The following TCERG1 variants were observed in gnomAD, a reference collection of about 807,000 sequenced individuals.
TCERG1 encodes TATA box binding protein (TBP)-associated factor, RNA polymerase II, S, 150kD.
A neutral mutation model predicts 144.7 loss-of-function variants in TCERG1; 37 were observed. The observed-to-expected ratio is 0.26, with a 90% CI of 0.20 to 0.34. TCERG1 has a LOEUF of 0.34. Ranked by LOEUF, TCERG1 falls within the 10% of genes least tolerant of loss-of-function variation. The pLI is 1.00. For synonymous variants in TCERG1, 492 were observed against 458.2 expected, an observed-to-expected ratio of 1.07 and a Z score of -0.94; for missense variants, 1,027 against 1,380.7, an observed-to-expected ratio of 0.74 and a Z score of 4.06.
intron 4 of TCERG1, among the ~76,000 whole-genome samples, chr5:146,462,445 CAT>C (rs1420204441): frequency 1.9e-4 from 29 of 152,172 alleles, no homozygotes; most frequent in African/African-American, 4.1e-4. Context: ...TGTTTTGTAA[CAT>C]GTGAGAATTG....
At chr5:146,483,156 C>T (rs952971902) in intron 14 of TCERG1, among the ~76,000 whole-genome samples, 1 of 152,082 alleles carries the variant, frequency 6.6e-6, no homozygotes, top group African/African-American at 2.4e-5. Context: ...TGGTTATATT[C>T]ACAGATTCAT....
At chr5:146,491,142 T>C (rs1766373575) in intron 15 of TCERG1, among the ~76,000 whole-genome samples, 1 of 151,942 alleles carries the variant, frequency 6.6e-6, no homozygotes, top group South Asian at 2.1e-4. Context: ...AAAATGCTGT[T>C]TGGGTACTCT....
intron 17 of TCERG1, 120 bp from the exon 18 acceptor site, chr5:146,503,255 T>C: frequency 1.2e-6 from 1 of 865,106 alleles, no homozygotes; most frequent in East Asian, 2.7e-5. Flanking sequence ...ATTTTAAAAG[T>C]TATTATTCTC....
chr5:146,468,260 G>T, intron 5 of TCERG1, 81 bp from the exon 6 acceptor site: 1 of 1,092,964 alleles, frequency 9.1e-7, no homozygotes, highest in South Asian at 1.9e-5. Flanking sequence ...AATTGTAGTG[G>T]TAAATTATTT....
intron 1 of TCERG1, among the ~76,000 whole-genome samples, chr5:146,450,030 G>A (rs1307244108): frequency 6.6e-6 from 1 of 152,048 alleles, no homozygotes; most frequent in Non-Finnish European, 1.5e-5. Context: ...GAGTTAATAC[G>A]GATAATGTCT....
At chr5:146,504,842 T>C (rs1767799227) in intron 19 of TCERG1, among the ~76,000 whole-genome samples, 1 of 151,348 alleles carries the variant, frequency 6.6e-6, no homozygotes, top group Non-Finnish European at 1.5e-5. Flanking sequence ...GGGTCAGGAG[T>C]TCAAGACTAG....
At chr5:146,472,352 A>G (rs1456640626) in intron 9 of TCERG1, among the ~76,000 whole-genome samples, 1 of 151,480 alleles carries the variant, frequency 6.6e-6, no homozygotes, top group Admixed American at 6.6e-5. Flanking sequence ...CATTTTTTCA[A>G]CAGCATGTGC....
intron 17 of TCERG1, among the ~76,000 whole-genome samples, chr5:146,501,748 A>T (rs992523676): frequency 1.3e-5 from 2 of 152,156 alleles, no homozygotes; most frequent in African/African-American, 4.8e-5. Flanking sequence ...AGTATTTCTT[A>T]TTAGTTCAAA....
intron 5 of TCERG1, 42 bp downstream of exon 5, chr5:146,463,835 A>T (rs749448589): frequency 9.3e-6 from 15 of 1,611,442 alleles, no homozygotes; most frequent in Non-Finnish European, 1.0e-5. Flanking sequence ...CTATGTTTTC[A>T]TATTGTCAGT....
At chr5:146,472,429 A>G (rs1764399347) in intron 9 of TCERG1, among the ~76,000 whole-genome samples, 1 of 151,824 alleles carries the variant, frequency 6.6e-6, no homozygotes, top group Non-Finnish European at 1.5e-5. Flanking sequence ...CATTATTTTT[A>G]TATCTGTTAC....
Position 146,503,405 on chromosome 5 carries a change from A to C in TCERG1, c.2464A>C (p.Asn822His), listed in dbSNP as rs755292554. The part of the protein sequence containing the change: ...IKSDFFELLS[N>H]HHLDSQSRWS... ...ATCGGATTTCTTTGAACTATTATCT[A>C]ATCATCACTTGGACAGTCAGTCTCG... Residue 822 changes from asparagine (N) to histidine (H), a missense_variant, in exon 18 of 23, where the codon AAT becomes CAT. By Grantham distance (68) the Asn-to-His change is moderately conservative. This residue lies in a region of TCERG1 where 482 missense variants were observed against 632.6 expected (regional missense o/e 0.76). Coordinates refer to ENST00000679501, the MANE Select transcript of TCERG1 (RefSeq NM_001382548.1). 5 of 1,613,608 alleles carry C rather than the reference A, an allele frequency of 3.1e-6. No individual in the cohort carries two copies. The East Asian group carries it at 6.7e-5, about 22-fold the overall frequency.
chr5:146,480,995 A>G (rs1383592968), intron 12 of TCERG1, among the ~76,000 whole-genome samples, 155 bp from the exon 13 acceptor site: 1 of 151,146 alleles, frequency 6.6e-6, no homozygotes, highest in Non-Finnish European at 1.5e-5. Context: ...AAAACCTAGA[A>G]TAAGACATTT....
chr5:146,453,558 G>A (rs1011778039), intron 1 of TCERG1, among the ~76,000 whole-genome samples: 3 of 152,106 alleles, frequency 2.0e-5, no homozygotes, highest in African/African-American at 7.2e-5. Flanking sequence ...AATCTGTTGT[G>A]CATATTCCAG....
chr5:146,503,729 A>G, intron 18 of TCERG1, 95 bp from the exon 19 acceptor site: 15 of 1,458,452 alleles, frequency 1.0e-5, no homozygotes, highest in Non-Finnish European at 1.4e-5. Context: ...GGCAAAAACT[A>G]GATTTGGAAT....
intron 8 of TCERG1, 116 bp from the exon 9 acceptor site, chr5:146,471,372 T>C (rs1764280549): frequency 1.1e-6 from 1 of 884,396 alleles, no homozygotes. Context: ...AGTCTCCTCT[T>C]ATTCTAGCAG....
At chr5:146,506,159 AT>A (rs1203102551) in intron 19 of TCERG1, among the ~76,000 whole-genome samples, 1 of 152,222 alleles carries the variant, frequency 6.6e-6, no homozygotes, top group East Asian at 1.9e-4. Context: ...CACGGTATAT[AT>A]CTGACTTGTA....
In TCERG1 at chr5:146,463,802, A is replaced by G. The variant is rs1441173296; in HGVS notation, c.1135+9A>G. Reference sequence around the variant, plus strand: ...GCCAATTCCACTTCCAGGTAAACCAACAGATTATAATGGTCTTTCCAGCTA... The same window carrying G: ...GCCAATTCCACTTCCAGGTAAACCAGCAGATTATAATGGTCTTTCCAGCTA... On this transcript the variant is annotated intron_variant, in intron 5 of 22. Coordinates refer to ENST00000679501, the MANE Select transcript of TCERG1 (RefSeq NM_001382548.1). 3.1e-6 allele frequency: 5 copies of G among 1,614,128 alleles called. No individual in the cohort carries two copies. Among genetic ancestry groups the G allele is most frequent in the South Asian group, 2.2e-5 (2 of 91,078 alleles).
chr5:146,484,967 T>G (rs1034368963), intron 15 of TCERG1, among the ~76,000 whole-genome samples: 1 of 152,214 alleles, frequency 6.6e-6, no homozygotes, highest in African/African-American at 2.4e-5. Flanking sequence ...CAGGCTAATT[T>G]TAAAGTTTAA....
intron 14 of TCERG1, 102 bp downstream of exon 14, chr5:146,482,829 G>A: frequency 1.5e-6 from 2 of 1,328,970 alleles, no homozygotes; most frequent in Non-Finnish European, 2.0e-6. Flanking sequence ...ATGTTATGGG[G>A]GGGGATAAGG....
Sources: allele counts gnomAD v4.1 joint callset (sites outside exome capture counted in the v4.1 genomes callset), GRCh38; gene constraint gnomAD v4.1.1; regional missense constraint gnomAD v4.1.1; transcripts MANE v1.5; gene names NCBI Gene and HGNC (gene_info 2026-07-23, HGNC 2026-07-21).